The following GPHN variants were observed in gnomAD, a reference collection of about 807,000 sequenced individuals.
The protein encoded by GPHN is gephyrin.
In GPHN, 17 loss-of-function variants were observed where a neutral mutation model predicts 95.5. That is an observed-to-expected ratio of 0.18 (90% confidence interval 0.12 to 0.27). The LOEUF (loss-of-function observed/expected upper bound fraction) is 0.27. GPHN is among the 10% of genes least tolerant of loss of function. GPHN has a pLI of 1.00. For missense variants in GPHN, 660 were observed against 978.1 expected, an observed-to-expected ratio of 0.67 and a Z score of 4.34; for synonymous variants, 320 against 322.5, an observed-to-expected ratio of 0.99 and a Z score of 0.08.
chr14:67,108,616 G>A (rs2078178113), intron 13 of GPHN, among the ~76,000 whole-genome samples: 1 of 152,104 alleles, frequency 6.6e-6, no homozygotes, highest in African/African-American at 2.4e-5. Context: ...ATATTATGGA[G>A]AGAAGATTTT....
the GPHN span, among the ~76,000 whole-genome samples, chr14:67,463,393 A>G: frequency 5.3e-5 from 8 of 152,272 alleles, no homozygotes; most frequent in African/African-American, 1.9e-4. Context: ...TAATCCCAGC[A>G]CTTTGGGAGG....
intron 18 of GPHN, among the ~76,000 whole-genome samples, chr14:67,151,434 AT>A (rs1457720077): frequency 1.3e-5 from 2 of 152,222 alleles, no homozygotes; most frequent in African/African-American, 4.8e-5. Context: ...TTTTACAGAG[AT>A]CACCAAATGA....
intron 10 of GPHN, among the ~76,000 whole-genome samples, chr14:67,024,620 A>G (rs148645674): frequency 6.6e-6 from 1 of 152,352 alleles, no homozygotes; most frequent in East Asian, 1.9e-4. Context: ...TACATAGGGC[A>G]GAGTCCAGGA....
rs188062556 is a variant in GPHN, at chr14:67,070,525, G to T, written c.1144+11739G>T. Among the ~76,000 whole-genome samples the T allele has an allele frequency of 3.0e-3, 446 of 148,874 alleles. 4 individuals carry two copies. Among genetic ancestry groups the T allele is most frequent in the African/African-American group, 0.011 (428 of 40,432 alleles). ...AGCCTGGCCAATATGGTGAAACCGC[G>T]TCTCTACTAAAAATACAAAAATTAG... On this transcript the variant is annotated intron_variant, in intron 11 of 22. Coordinates refer to ENST00000478722, the MANE Select transcript of GPHN (RefSeq NM_020806.5).
At chr14:66,954,595 T>C (rs1428746514) in intron 8 of GPHN, among the ~76,000 whole-genome samples, 2 of 152,212 alleles carry the variant, frequency 1.3e-5, no homozygotes, top group Admixed American at 6.5e-5. Context: ...CTACGTCCTT[T>C]CCAATTTGAA....
intron 11 of GPHN, among the ~76,000 whole-genome samples, chr14:67,070,739 A>G (rs1306722366): frequency 1.4e-5 from 2 of 139,864 alleles, no homozygotes; most frequent in East Asian, 2.3e-4. Flanking sequence ...TCCAATCAGC[A>G]TTCTGTATAT....
intron 4 of GPHN, among the ~76,000 whole-genome samples, chr14:66,871,758 A>C (rs1312133111): frequency 6.6e-6 from 1 of 151,020 alleles, no homozygotes; most frequent in Non-Finnish European, 1.5e-5. Flanking sequence ...AAAACAACAC[A>C]CACTGGGGCC....
chr14:67,708,531 A>G, the GPHN span, among the ~76,000 whole-genome samples: 1 of 152,180 alleles, frequency 6.6e-6, no homozygotes, highest in Admixed American at 6.5e-5. Context: ...TAAAGAAACA[A>G]TTGACAAGGA....
the GPHN span, among the ~76,000 whole-genome samples, chr14:67,538,316 C>T: frequency 6.6e-6 from 1 of 152,324 alleles, no homozygotes; most frequent in East Asian, 1.9e-4. Flanking sequence ...TCTGCTACTC[C>T]TTAGCTCTAT....
the GPHN span, chr14:67,376,370 C>T: frequency 7.1e-7 from 1 of 1,409,092 alleles, no homozygotes; most frequent in Non-Finnish European, 9.5e-7. Context: ...ATGTTATTTA[C>T]TAAAATGTAA....
At chr14:67,340,637 C>T in the GPHN span, 2 of 824,992 alleles carry the variant, frequency 2.4e-6, no homozygotes, top group South Asian at 1.6e-5. Flanking sequence ...GCATTTAATG[C>T]AGAGAACTTG....
the GPHN span, among the ~76,000 whole-genome samples, chr14:67,268,089 C>T: frequency 6.6e-6 from 1 of 152,028 alleles, no homozygotes; most frequent in Non-Finnish European, 1.5e-5. Flanking sequence ...TTATTTCTTT[C>T]TCTTGTGTGG....
chr14:66,646,376 A>G (rs1434225565), intron 1 of GPHN, among the ~76,000 whole-genome samples: 1 of 152,126 alleles, frequency 6.6e-6, no homozygotes. Context: ...GTTGGTGGGG[A>G]TGTAAAATGG....
the GPHN span, among the ~76,000 whole-genome samples, chr14:67,605,798 T>C: frequency 6.6e-6 from 1 of 152,108 alleles, no homozygotes; most frequent in Non-Finnish European, 1.5e-5. Flanking sequence ...TCCTCCTGCC[T>C]CAGCCTCCCC....
intron 4 of GPHN, among the ~76,000 whole-genome samples, chr14:66,831,763 TAGTC>T (rs2061588597): frequency 6.6e-6 from 1 of 152,006 alleles, no homozygotes; most frequent in Non-Finnish European, 1.5e-5. Context: ...ATAATAAAAA[TAGTC>T]AATAATAACA....
At chr14:67,710,121 A>G in the GPHN span, among the ~76,000 whole-genome samples, 4 of 152,208 alleles carry the variant, frequency 2.6e-5, no homozygotes, top group Non-Finnish European at 4.4e-5. Context: ...CTTCTTACAT[A>G]TATTGATTGA....
the GPHN span, among the ~76,000 whole-genome samples, chr14:67,439,393 A>T: frequency 5.8e-3 from 880 of 152,300 alleles, 6 homozygotes; most frequent in African/African-American, 0.02. Flanking sequence ...TCTCAGCTGC[A>T]GAAGGAGGGA....
the GPHN span, chr14:67,733,973 A>G: frequency 1.4e-6 from 1 of 694,788 alleles, no homozygotes; most frequent in Non-Finnish European, 2.6e-6. Context: ...GCCTGCTCTG[A>G]TCCTCTTGAC....
intron 9 of GPHN, among the ~76,000 whole-genome samples, chr14:66,967,922 T>C (rs2069461030): frequency 6.6e-6 from 1 of 151,852 alleles, no homozygotes; most frequent in Non-Finnish European, 1.5e-5. Context: ...ATTATATTGA[T>C]CAATAATGAC....
Sources: allele counts gnomAD v4.1 joint callset (sites outside exome capture counted in the v4.1 genomes callset), GRCh38; gene constraint gnomAD v4.1.1; transcripts MANE v1.5; gene names NCBI Gene and HGNC (gene_info 2026-07-23, HGNC 2026-07-21).